The following ARID5B variants were observed in gnomAD, a reference collection of about 807,000 sequenced individuals.
The protein encoded by ARID5B is AT-rich interaction domain 5B.
ARID5B carries 13 observed loss-of-function variants against 97.2 expected under a neutral mutation model. The ratio of observed to expected loss-of-function variants is 0.13; its 90% CI spans 0.09 to 0.21. The LOEUF is 0.21. Ranked by LOEUF, ARID5B falls within the 10% of genes least tolerant of loss-of-function variation. The pLI is 1.00. For synonymous variants in ARID5B, 556 were observed against 570.3 expected, an observed-to-expected ratio of 0.97 and a Z score of 0.36; for missense variants, 1,210 against 1,465.3, an observed-to-expected ratio of 0.83 and a Z score of 2.84.
intron 4 of ARID5B, among the ~76,000 whole-genome samples, chr10:62,043,543 G>T (rs973226597): frequency 3.9e-5 from 6 of 152,200 alleles, no homozygotes; most frequent in African/African-American, 1.4e-4. Context: ...AAAAAGGCTT[G>T]CTTGTGTTTT....
chr10:62,027,119 AG>A (rs1839430623), intron 4 of ARID5B, among the ~76,000 whole-genome samples: 1 of 151,894 alleles, frequency 6.6e-6, no homozygotes, highest in African/African-American at 2.4e-5. Flanking sequence ...AAAAGGAAAC[AG>A]TCTTGTTTTC....
intron 3 of ARID5B, among the ~76,000 whole-genome samples, chr10:61,949,901 A>C (rs1410161579): frequency 6.6e-6 from 1 of 152,158 alleles, no homozygotes; most frequent in African/African-American, 2.4e-5. Context: ...CAAGCTCATA[A>C]ATTTTCATTA....
At chr10:61,965,059 AC>A (rs1838523511) in intron 3 of ARID5B, among the ~76,000 whole-genome samples, 1 of 152,226 alleles carries the variant, frequency 6.6e-6, no homozygotes, top group Non-Finnish European at 1.5e-5. Flanking sequence ...CAATGAATGT[AC>A]TTTTGTTAGT....
At chr10:62,083,344 T>C (rs1840240645) in intron 8 of ARID5B, among the ~76,000 whole-genome samples, 1 of 131,988 alleles carries the variant, frequency 7.6e-6, no homozygotes, top group Non-Finnish European at 1.6e-5. Flanking sequence ...GAAATGAGAA[T>C]GGTGCCCTAC....
intron 4 of ARID5B, among the ~76,000 whole-genome samples, chr10:62,020,747 A>AT (rs1284053627): frequency 1.3e-5 from 2 of 152,100 alleles, no homozygotes; most frequent in Non-Finnish European, 2.9e-5. Flanking sequence ...CCAACGCCAG[A>AT]GAAGAGAATT....
At chr10:61,992,705 A>T (rs138182665) in intron 3 of ARID5B, among the ~76,000 whole-genome samples, 159 of 152,216 alleles carry the variant, frequency 1.0e-3, no homozygotes, top group African/African-American at 3.7e-3. Context: ...CATTTAAAGT[A>T]GTTTTTTTTT....
chr10:62,019,634 C>T (rs2132889457), intron 4 of ARID5B, among the ~76,000 whole-genome samples: 1 of 152,300 alleles, frequency 6.6e-6, no homozygotes, highest in Non-Finnish European at 1.5e-5. Flanking sequence ...CACTACATGT[C>T]AGCACTTGAG....
At chr10:61,927,847 G>T (rs1159098210) in intron 2 of ARID5B, among the ~76,000 whole-genome samples, 1 of 152,102 alleles carries the variant, frequency 6.6e-6, no homozygotes, top group African/African-American at 2.4e-5. Flanking sequence ...AAACGAGAAG[G>T]GATAAAAGTC....
chr10:62,008,566 A>C (rs1839176448), intron 4 of ARID5B, among the ~76,000 whole-genome samples: 1 of 152,200 alleles, frequency 6.6e-6, no homozygotes, highest in Admixed American at 6.5e-5. Context: ...TCTGAAACCC[A>C]CTGGACTGGA....
chr10:61,970,612 G>A (rs1307433808), intron 3 of ARID5B, among the ~76,000 whole-genome samples: 1 of 152,198 alleles, frequency 6.6e-6, no homozygotes, highest in Non-Finnish European at 1.5e-5. Flanking sequence ...CTGCTGGCAA[G>A]AGCGCCGAGG....
At position 62,096,673 on chromosome 10, in the gene ARID5B, T is replaced by C. The variant is rs1589298274; in HGVS notation, c.*3643T>C. ...TATGTAACCTCTATGCTCTGTAAGG[T>C]GATTATTTGTATATAGCAACATGGC... On this transcript the variant is annotated 3_prime_UTR_variant, in exon 10 of 10. Coordinates refer to ENST00000279873, the MANE Select transcript of ARID5B (RefSeq NM_032199.3). The C allele has an allele frequency of 4.3e-6, 1 of 233,554 alleles. No homozygotes were observed. The highest frequency in any genetic ancestry group is 8.5e-6 in the Non-Finnish European group (1 of 117,994). The allele number at this position is 233,554 out of a possible 1,614,324, so 14.5% of individuals were successfully genotyped here. A position where few individuals can be genotyped will look rare whatever the true frequency, so the allele number is the denominator to read the frequency against.
At chr10:61,916,886 G>A (rs1009358523) in intron 2 of ARID5B, among the ~76,000 whole-genome samples, 8 of 152,170 alleles carry the variant, frequency 5.3e-5, no homozygotes, top group Admixed American at 5.2e-4. Flanking sequence ...CAGAGGCACA[G>A]GTGTAAGTGC....
chr10:62,053,723 A>G lies in ARID5B; in HGVS notation c.846+2723A>G, dbSNP rs145718920. Among the ~76,000 whole-genome samples the G allele has an allele frequency of 5.5e-3, 837 of 152,348 alleles. 9 individuals carry two copies. The highest frequency in any genetic ancestry group is 0.019 in the African/African-American group (794 of 41,580). On this transcript the variant is annotated intron_variant, in intron 5 of 9. Coordinates refer to ENST00000279873, the MANE Select transcript of ARID5B (RefSeq NM_032199.3). ...ATTTTCTGAAGGGCAGAAGTGTATT[A>G]CAGGTGGTTTATATTCTAAAAGGAA...
chr10:62,018,447 T>G (rs1017017621), intron 4 of ARID5B, among the ~76,000 whole-genome samples: 2 of 152,248 alleles, frequency 1.3e-5, no homozygotes, highest in Non-Finnish European at 1.5e-5. Flanking sequence ...GACTTTTAAA[T>G]GAACTGCACA....
intron 4 of ARID5B, among the ~76,000 whole-genome samples, chr10:62,033,565 T>C (rs893587354): frequency 2.0e-5 from 3 of 152,204 alleles, no homozygotes. Flanking sequence ...CTCTACAAGG[T>C]GCTTACCTCT....
intron 2 of ARID5B, among the ~76,000 whole-genome samples, chr10:61,926,185 G>A (rs570827593): frequency 1.9e-4 from 29 of 152,084 alleles, no homozygotes; most frequent in Non-Finnish European, 3.8e-4. Flanking sequence ...GATTTCTGCC[G>A]TCTTTCTTTG....
chr10:61,934,392 G>T (rs1457034070), intron 2 of ARID5B, among the ~76,000 whole-genome samples: 1 of 152,164 alleles, frequency 6.6e-6, no homozygotes. Context: ...TCACAACATG[G>T]TTAACTGGCG....
chr10:62,012,430 G>A (rs1839229986), intron 4 of ARID5B, among the ~76,000 whole-genome samples: 1 of 152,172 alleles, frequency 6.6e-6, no homozygotes, highest in African/African-American at 2.4e-5. Context: ...AGGCTGACGT[G>A]GGAGGATCAT....
intron 3 of ARID5B, among the ~76,000 whole-genome samples, chr10:61,956,291 T>C (rs547134757): frequency 9.9e-4 from 151 of 152,290 alleles, no homozygotes; most frequent in African/African-American, 3.5e-3. Context: ...TGATCTAGGT[T>C]GTGTACTCCT....
Sources: gnomAD v4.1 joint callset for allele counts (sites outside exome capture counted in the v4.1 genomes callset) on GRCh38, gnomAD v4.1.1 for gene constraint, MANE v1.5 for transcripts, NCBI Gene and HGNC (gene_info 2026-07-23, HGNC 2026-07-21) for gene names.